Variants in SLC26A4 observed in about 807,000 individuals in gnomAD.
SLC26A4 encodes pendrin.
A neutral mutation model predicts 90.4 loss-of-function variants in SLC26A4; 93 were observed. The observed-to-expected ratio is 1.03, with a 90% CI of 0.87 to 1.22. SLC26A4 has a LOEUF of 1.22. SLC26A4 is among the 50% of genes most tolerant of loss of function. SLC26A4 has a pLI of 0.00. For synonymous variants in SLC26A4, 393 were observed against 354.6 expected, an observed-to-expected ratio of 1.11 and a Z score of -1.22; for missense variants, 1,127 against 946.2, an observed-to-expected ratio of 1.19 and a Z score of -2.51.
chr7:107,710,365 C>T (rs991489232), intron 19 of SLC26A4, among the ~76,000 whole-genome samples, 166 bp downstream of exon 19: 5 of 152,138 alleles, frequency 3.3e-5, no homozygotes, highest in Non-Finnish European at 7.3e-5. Flanking sequence ...AAACATTAAC[C>T]TTGCTAGGTA....
chr7:107,677,233 T>C (rs1393185511), intron 6 of SLC26A4, among the ~76,000 whole-genome samples: 1 of 152,042 alleles, frequency 6.6e-6, no homozygotes, highest in Non-Finnish European at 1.5e-5. Context: ...AAAAAGATCA[T>C]GGACTTTGAA....
chr7:107,702,453 A>T (rs1207444659), intron 17 of SLC26A4, among the ~76,000 whole-genome samples: 1 of 152,086 alleles, frequency 6.6e-6, no homozygotes, highest in Admixed American at 6.6e-5. Context: ...GCACTTCGGG[A>T]GGCTGAGGCA....
chr7:107,701,737 C>A, intron 16 of SLC26A4, 90 bp from the exon 17 acceptor site: 1 of 873,554 alleles, frequency 1.1e-6, no homozygotes, highest in South Asian at 1.4e-5. Context: ...TACCAAGGAA[C>A]AGTGTGTAGG....
At position 107,707,875 on chromosome 7, in the gene SLC26A4, G is replaced by T. The variant is rs145021356; in HGVS notation, c.2090-2179G>T. On this transcript the variant is annotated intron_variant, in intron 18 of 20. Transcript: ENST00000644269. ...TTCAAGGTCAAAAAGACTTAATTTTGATTTTTGAGAAGTTTGTCAAATACC... is the reference window on the plus strand; with the variant it reads ...TTCAAGGTCAAAAAGACTTAATTTTTATTTTTGAGAAGTTTGTCAAATACC... Among the ~76,000 whole-genome samples the T allele has an allele frequency of 6.3e-3, 956 of 152,242 alleles. 13 individuals are homozygous for T. Among genetic ancestry groups the T allele is most frequent in the African/African-American group, 0.022 (925 of 41,548 alleles).
At position 107,717,624 on chromosome 7, in the gene SLC26A4, A is replaced by G. The variant is rs1247926443; in HGVS notation, c.*2178A>G. The stretch of plus-strand genomic sequence containing the variant: ...TTTTAGTTTTGTATTATCAATGAAA[A>G]TTTCACTTGAAATTAAAGCTGCCTT... On this transcript the variant is annotated 3_prime_UTR_variant, in exon 21 of 21. Transcript: ENST00000644269. The G allele has an allele frequency of 6.6e-6, 1 of 152,624 alleles. No homozygotes were observed. The highest frequency in any genetic ancestry group is 2.4e-5 in the African/African-American group (1 of 41,444). 9.5% of individuals were successfully genotyped at this position (152,624 alleles called of 1,614,324 possible).
intron 13 of SLC26A4, among the ~76,000 whole-genome samples, chr7:107,696,403 A>T (rs1199810468): frequency 6.6e-6 from 1 of 152,226 alleles, no homozygotes; most frequent in African/African-American, 2.4e-5. Flanking sequence ...TACATAGTTT[A>T]GCCAAAGGCT....
intron 18 of SLC26A4, among the ~76,000 whole-genome samples, chr7:107,709,422 A>C (rs546510678): frequency 3.9e-5 from 6 of 152,302 alleles, no homozygotes; most frequent in Admixed American, 1.3e-4. Flanking sequence ...ATAGGTGCAC[A>C]ACCACACCTG....
At chr7:107,715,292 T>C in intron 20 of SLC26A4, 131 bp from the exon 21 acceptor site, 5 of 800,642 alleles carry the variant, frequency 6.2e-6, no homozygotes, top group East Asian at 4.9e-5. Flanking sequence ...CTATTTCTAT[T>C]GTGATGATAT....
intron 8 of SLC26A4, among the ~76,000 whole-genome samples, chr7:107,687,055 T>A (rs1296101219): frequency 6.6e-6 from 1 of 152,182 alleles, no homozygotes; most frequent in African/African-American, 2.4e-5. Flanking sequence ...ACTCTGGTAT[T>A]CTGTTTGGTA....
At chr7:107,709,247 G>A (rs1792115541) in intron 18 of SLC26A4, among the ~76,000 whole-genome samples, 1 of 152,162 alleles carries the variant, frequency 6.6e-6, no homozygotes, top group African/African-American at 2.4e-5. Flanking sequence ...CCAGCCATGT[G>A]TGGGGATGAA....
intron 9 of SLC26A4, among the ~76,000 whole-genome samples, chr7:107,689,693 T>C (rs945992182): frequency 6.6e-6 from 1 of 152,236 alleles, no homozygotes; most frequent in Non-Finnish European, 1.5e-5. Flanking sequence ...TTGCAAGTTC[T>C]GTATCTATAT....
intron 6 of SLC26A4, among the ~76,000 whole-genome samples, chr7:107,677,232 A>G (rs1791048321): frequency 6.6e-6 from 1 of 152,074 alleles, no homozygotes; most frequent in Non-Finnish European, 1.5e-5. Flanking sequence ...AAAAAAGATC[A>G]TGGACTTTGA....
chr7:107,693,295 C>A, intron 10 of SLC26A4: 2 of 985,348 alleles, frequency 2.0e-6, no homozygotes, highest in Non-Finnish European at 2.4e-6. Context: ...GCCAGCCAGA[C>A]ATACAAAGCA....
rs1354286313 is a variant in SLC26A4 at position 107,700,095 on chromosome 7, CA to C, written c.1629del (p.Gly544GlufsTer2). 1 of 1,560,714 alleles carries C rather than the reference CA, an allele frequency of 6.4e-7. No homozygotes were observed. The highest frequency in any genetic ancestry group is 1.4e-5 in the African/African-American group (1 of 73,856). On this transcript the variant is annotated frameshift_variant, in exon 15 of 21. Coordinates refer to ENST00000644269, the MANE Select transcript of SLC26A4 (RefSeq NM_000441.2). LOFTEE classifies it high-confidence loss of function. Reference sequence around the variant, plus strand: ...CTTTTAATGCCAGATTGAAGAACCTCAAGGAGTGAAGATTCTTAGATTTTCC... The same window carrying C: ...CTTTTAATGCCAGATTGAAGAACCTCAGGAGTGAAGATTCTTAGATTTTCC... ...TKNYKNIEEP[Q>X]GVKILRFSSP...
At chr7:107,687,347 A>G (rs544683199) in intron 8 of SLC26A4, among the ~76,000 whole-genome samples, 14 of 152,322 alleles carry the variant, frequency 9.2e-5, no homozygotes, top group African/African-American at 2.6e-4. Flanking sequence ...CGGGACTTCA[A>G]TTGGTTTGGG....
intron 3 of SLC26A4, among the ~76,000 whole-genome samples, chr7:107,664,792 C>T (rs999912189): frequency 1.3e-5 from 2 of 152,182 alleles, no homozygotes; most frequent in African/African-American, 4.8e-5. Context: ...ATGGCATTCT[C>T]CTCTGTCCCC....
chr7:107,665,288 C>A (rs927250337), intron 3 of SLC26A4, among the ~76,000 whole-genome samples: 2 of 152,106 alleles, frequency 1.3e-5, no homozygotes, highest in Non-Finnish European at 2.9e-5. Flanking sequence ...TCAGATCAGG[C>A]CAGGTAGATG....
At chr7:107,710,972 C>A (rs1177455407) in intron 19 of SLC26A4, among the ~76,000 whole-genome samples, 1 of 152,036 alleles carries the variant, frequency 6.6e-6, no homozygotes, top group Non-Finnish European at 1.5e-5. Context: ...TCCCATTTTT[C>A]TAAAAGTAGA....
In SLC26A4 at chr7:107,694,436, A is replaced by G; in HGVS notation, c.1297A>G (p.Ile433Val). Residue 433 changes from isoleucine to valine, a missense_variant, in exon 11 of 21, where the codon ATC (isoleucine) becomes GTC (valine). Ile to Val is a conservative substitution (Grantham distance 29). Coordinates refer to ENST00000644269, the MANE Select transcript of SLC26A4 (RefSeq NM_000441.2). ...CATCATCTCTGCTGCGATTGTGATG[A>G]TCGCCATTCTTGCCCTGGGGAAGCT... ...AGIISAAIVM[I>V]AILALGKLLE... The G allele has an allele frequency of 6.2e-7, 1 of 1,613,758 alleles. No individual in the cohort carries two copies. Among genetic ancestry groups the G allele is most frequent in the Non-Finnish European group, 8.5e-7 (1 of 1,179,750 alleles).
Sources: allele counts gnomAD v4.1 joint callset (sites outside exome capture counted in the v4.1 genomes callset), GRCh38; gene constraint gnomAD v4.1.1; transcripts MANE v1.5; gene names NCBI Gene and HGNC (gene_info 2026-07-23, HGNC 2026-07-21).